Variants in PVT1 observed in about 807,000 individuals in gnomAD.
The protein encoded by PVT1 is CXCR4/PVT1 fusion.
At chr8:127,860,769 A>AG (rs1815216221) in intron 2 of PVT1, among the ~76,000 whole-genome samples, 1 of 133,140 alleles carries the variant, frequency 7.5e-6, no homozygotes, top group Non-Finnish European at 1.8e-5. Flanking sequence ...AATCTCAAAA[A>AG]AAAAAAAAAA....
At chr8:128,002,594 C>T (rs1299425104) in intron 4 of PVT1, among the ~76,000 whole-genome samples, 1 of 152,202 alleles carries the variant, frequency 6.6e-6, no homozygotes, top group African/African-American at 2.4e-5. Context: ...GCTGGCCATC[C>T]TTGGCGCTCT....
Position 127,907,951 on chromosome 8 carries a change from G to A in PVT1, n.782+16953G>A, listed in dbSNP as rs16902460. On this transcript the variant is annotated intron_variant and non_coding_transcript_variant, in intron 3 of 10. Coordinates refer to ENST00000651587, the Ensembl canonical transcript of PVT1. ...CTGATTGTGTTTCCCTCCAAGCAGCGAACAAGAGGCTGATTCAAGTGGCTC... is the reference window on the plus strand; with the variant it reads ...CTGATTGTGTTTCCCTCCAAGCAGCAAACAAGAGGCTGATTCAAGTGGCTC... Among the ~76,000 whole-genome samples, 1,185 of 152,214 alleles carry A rather than the reference G, an allele frequency of 7.8e-3. 31 individuals carry two copies. In the East Asian group the frequency reaches 0.098, roughly 13 times the overall value.
At chr8:127,864,062 G>A (rs1389193541) in intron 2 of PVT1, among the ~76,000 whole-genome samples, 1 of 152,216 alleles carries the variant, frequency 6.6e-6, no homozygotes, top group Non-Finnish European at 1.5e-5. Context: ...TCCTGGGCCT[G>A]CCATCCAAGG....
chr8:127,921,584 G>A (rs1411469140), intron 3 of PVT1, among the ~76,000 whole-genome samples: 2 of 152,086 alleles, frequency 1.3e-5, no homozygotes, highest in African/African-American at 4.8e-5. Flanking sequence ...GGCCGAGGAG[G>A]GAGGATCATT....
chr8:127,871,033 TTCCTG>T (rs1815346005), intron 2 of PVT1, among the ~76,000 whole-genome samples: 1 of 152,230 alleles, frequency 6.6e-6, no homozygotes, highest in Non-Finnish European at 1.5e-5. Flanking sequence ...GCTGAATTAA[TTCCTG>T]TCCTCCTGGT....
intron 3 of PVT1, among the ~76,000 whole-genome samples, chr8:127,960,056 A>C (rs1318713528): frequency 6.6e-6 from 1 of 152,220 alleles, no homozygotes; most frequent in Non-Finnish European, 1.5e-5. Context: ...CAGGCAACCC[A>C]GGATGACATG....
At chr8:128,046,162 G>A (rs572541794) in intron 4 of PVT1, among the ~76,000 whole-genome samples, 2 of 152,282 alleles carry the variant, frequency 1.3e-5, no homozygotes, top group East Asian at 3.9e-4. Context: ...CAGAAGAAAT[G>A]ACAATGCTGA....
At chr8:127,865,809 G>T (rs1445152614) in intron 2 of PVT1, among the ~76,000 whole-genome samples, 1 of 152,218 alleles carries the variant, frequency 6.6e-6, no homozygotes, top group African/African-American at 2.4e-5. Context: ...AGCATTTGAT[G>T]GCCAGCCTGG....
intron 3 of PVT1, among the ~76,000 whole-genome samples, chr8:127,962,545 G>A (rs2129948714): frequency 6.6e-6 from 1 of 152,192 alleles, no homozygotes; most frequent in African/African-American, 2.4e-5. Flanking sequence ...TAAGGCCTAG[G>A]GCCTGGGTGT....
intron 3 of PVT1, among the ~76,000 whole-genome samples, chr8:127,905,024 G>T (rs1378743330): frequency 6.6e-6 from 1 of 152,224 alleles, no homozygotes; most frequent in Non-Finnish European, 1.5e-5. Flanking sequence ...TGTTTTGTGT[G>T]TCTGCAGAGC....
At chr8:127,851,012 A>T (rs1173548089) in intron 2 of PVT1, among the ~76,000 whole-genome samples, 1 of 148,810 alleles carries the variant, frequency 6.7e-6, no homozygotes, top group Non-Finnish European at 1.5e-5. Context: ...GTCTCAAAAA[A>T]AAAAATTAAA....
chr8:128,086,752 A>G (rs1480946326), intron 5 of PVT1, among the ~76,000 whole-genome samples: 2 of 152,234 alleles, frequency 1.3e-5, no homozygotes, highest in African/African-American at 2.4e-5. Flanking sequence ...ACCCAGCTCA[A>G]ATGGAACAGC....
At chr8:128,067,414 C>T (rs956252835) in intron 4 of PVT1, among the ~76,000 whole-genome samples, 18 of 152,190 alleles carry the variant, frequency 1.2e-4, no homozygotes, top group African/African-American at 4.3e-4. Flanking sequence ...CTTCCTTCCA[C>T]GGCTGGCACA....
intron 6 of PVT1, among the ~76,000 whole-genome samples, chr8:128,100,385 A>G (rs574305305): frequency 1.1e-4 from 17 of 152,240 alleles, no homozygotes; most frequent in African/African-American, 4.1e-4. Flanking sequence ...AAGGCAATAG[A>G]CCAAAACCTA....
In PVT1 at chr8:128,035,372, C is replaced by A. The variant is rs79908477; in HGVS notation, n.913-34788C>A. The stretch of plus-strand genomic sequence containing the variant: ...TTGCAATTTCTAAGGGTTCCCAGTA[C>A]ATATGTATATGTCTGCTCAGCCTTC... On this transcript the variant is annotated intron_variant and non_coding_transcript_variant, in intron 4 of 10. Coordinates refer to ENST00000651587, the Ensembl canonical transcript of PVT1. Among the ~76,000 whole-genome samples the A allele has an allele frequency of 4.9e-3, 739 of 152,322 alleles. 10 individuals are homozygous for A. Among genetic ancestry groups the A allele is most frequent in the East Asian group, 0.046 (238 of 5,180 alleles).
At chr8:127,877,620 C>T (rs61171148) in intron 2 of PVT1, among the ~76,000 whole-genome samples, 1,741 of 152,224 alleles carry the variant, frequency 0.011, 38 homozygotes, top group African/African-American at 0.04. Context: ...AGTCCTTAAA[C>T]GGACTATTTC....
chr8:128,067,830 C>G (rs1467596151), intron 4 of PVT1, among the ~76,000 whole-genome samples: 1 of 152,116 alleles, frequency 6.6e-6, no homozygotes, highest in African/African-American at 2.4e-5. Flanking sequence ...CTGAGGGATG[C>G]CCCAGAGGGG....
At chr8:127,945,327 AG>A (rs1417246268) in intron 3 of PVT1, among the ~76,000 whole-genome samples, 1 of 152,190 alleles carries the variant, frequency 6.6e-6, no homozygotes, top group Non-Finnish European at 1.5e-5. Context: ...GTGGAGGCTA[AG>A]GAACATTTTC....
intron 4 of PVT1, among the ~76,000 whole-genome samples, chr8:128,023,277 A>G (rs1817458792): frequency 1.3e-5 from 2 of 152,200 alleles, no homozygotes. Flanking sequence ...AAAGAATGAC[A>G]CATAGAACAT....
Sources: allele counts gnomAD v4.1 joint callset (sites outside exome capture counted in the v4.1 genomes callset), GRCh38; gene constraint gnomAD v4.1.1; transcripts MANE v1.5; gene names NCBI Gene and HGNC (gene_info 2026-07-23, HGNC 2026-07-21).